Variants in DACH2 observed in about 807,000 individuals in gnomAD.
The protein encoded by DACH2 is dachshund family transcription factor 2.
DACH2 carries 17 observed loss-of-function variants against 35.8 expected under a neutral mutation model. The ratio of observed to expected loss-of-function variants is 0.48; its 90% CI spans 0.33 to 0.71. DACH2 has a LOEUF of 0.71. Ranked by LOEUF, DACH2 falls within the 30% of genes least tolerant of loss-of-function variation. The pLI, the probability that DACH2 is intolerant of heterozygous loss-of-function variation, is 0.02. For missense variants in DACH2, 469 were observed against 472.7 expected (o/e 0.99, Z 0.07); for synonymous variants, 195 against 177.3 (o/e 1.10, Z -0.79).
intron 2 of DACH2, among the ~76,000 whole-genome samples, chrX:86,492,800 C>T: frequency 8.9e-6 from 1 of 111,874 alleles, no homozygotes; most frequent in Non-Finnish European, 1.9e-5. Context: ...TTTTTTATGG[C>T]TGCATAGTAT....
At chrX:86,637,925 G>A (rs1032471438) in intron 3 of DACH2, among the ~76,000 whole-genome samples, 1 of 111,547 alleles carries the variant, frequency 9.0e-6, no homozygotes, top group Non-Finnish European at 1.9e-5. Flanking sequence ...TAAAATTCAC[G>A]TGGAACCAAA....
intron 6 of DACH2, among the ~76,000 whole-genome samples, chrX:86,721,232 A>G (rs183226705): frequency 8.9e-6 from 1 of 112,259 alleles, no homozygotes; most frequent in East Asian, 2.8e-4. Flanking sequence ...GCTGGCTACA[A>G]TTCCTCTCCA....
rs186866470 is a variant in DACH2 at position 86,546,738 on chromosome X, T to C, written c.640+32347T>C. Among the ~76,000 whole-genome samples, 902 of 108,308 alleles carry C rather than the reference T, an allele frequency of 8.3e-3. 6 individuals are homozygous for C. Among genetic ancestry groups the C allele is most frequent in the Middle Eastern group, 0.014 (3 of 210 alleles). 94.1% of individuals were successfully genotyped at this position (108,308 alleles called of 115,157 possible). A position where few individuals can be genotyped will look rare whatever the true frequency, so the allele number is the denominator to read the frequency against. ...ACCATGTTGGCCAGGATGGTCTCAA[T>C]CTCCTGAACTTGTGATCTGCCAGCC... is the stretch of plus-strand genomic sequence containing the variant. On this transcript the variant is annotated intron_variant, in intron 3 of 11. Transcript: ENST00000373125.
At chrX:86,412,988 C>T (rs1392235754) in intron 2 of DACH2, among the ~76,000 whole-genome samples, 2 of 111,575 alleles carry the variant, frequency 1.8e-5, no homozygotes, top group African/African-American at 6.5e-5. Context: ...AGGCATTGTG[C>T]CTTTTCTTGG....
At chrX:86,572,411 A>G (rs2039382947) in intron 3 of DACH2, among the ~76,000 whole-genome samples, 1 of 111,686 alleles carries the variant, frequency 9.0e-6, no homozygotes, top group Non-Finnish European at 1.9e-5. Flanking sequence ...AGCTCACTAG[A>G]TTCAGCTATT....
intron 1 of DACH2, among the ~76,000 whole-genome samples, chrX:86,291,646 T>C (rs996437550): frequency 1.8e-4 from 19 of 108,075 alleles, no homozygotes; most frequent in Non-Finnish European, 2.9e-4. Context: ...GGTTGTTAAA[T>C]TTTGTCAAAG....
intron 1 of DACH2, among the ~76,000 whole-genome samples, chrX:86,294,679 T>TGCA (rs1324347011): frequency 2.7e-5 from 3 of 110,170 alleles, no homozygotes; most frequent in African/African-American, 6.7e-5. Context: ...TGGAGTACTC[T>TGCA]GTGTGAGGTG....
intron 2 of DACH2, among the ~76,000 whole-genome samples, chrX:86,499,779 C>T (rs1394725970): frequency 8.9e-6 from 1 of 111,901 alleles, no homozygotes; most frequent in Non-Finnish European, 1.9e-5. Context: ...AAACGACAAG[C>T]TCAAAAAGAA....
intron 1 of DACH2, among the ~76,000 whole-genome samples, chrX:86,376,499 A>G (rs1000530234): frequency 9.0e-6 from 1 of 110,718 alleles, no homozygotes; most frequent in Non-Finnish European, 1.9e-5. Flanking sequence ...ACAGAAATCT[A>G]TAACCTTATT....
rs187481875 is a variant in DACH2 at position 86,325,277 on chromosome X, G to A, written c.489-51547G>A. ...TTCATGTCAGTATACACTTGCCAGC[G>A]AGCTCACGCTTAATTGAGTATGCCA... On this transcript the variant is annotated intron_variant, in intron 1 of 11. Coordinates refer to ENST00000373125, the MANE Select transcript of DACH2 (RefSeq NM_053281.3). 1.3e-4 allele frequency among the ~76,000 whole-genome samples: 14 copies of A among 111,801 alleles called. No individual in the cohort carries two copies. In the South Asian group the frequency reaches 3.4e-3, roughly 27 times the overall value.
intron 5 of DACH2, among the ~76,000 whole-genome samples, chrX:86,712,524 ATG>A (rs1169562301): frequency 3.9e-4 from 43 of 109,755 alleles, no homozygotes; most frequent in African/African-American, 1.1e-3. Flanking sequence ...GTATATATAT[ATG>A]TGTGTATATA....
chrX:86,259,233 T>C (rs1028563279), intron 1 of DACH2, among the ~76,000 whole-genome samples: 1 of 112,364 alleles, frequency 8.9e-6, no homozygotes, highest in African/African-American at 3.2e-5. Context: ...CTCAATGTAG[T>C]TCAACATTTA....
In DACH2 at chrX:86,620,355, C is replaced by G. The variant is rs766303605; in HGVS notation, c.641-30681C>G. Among the ~76,000 whole-genome samples, 6 of 111,639 alleles carry G rather than the reference C, an allele frequency of 5.4e-5. No homozygotes were observed. In the East Asian group the frequency reaches 1.7e-3, roughly 32 times the overall value. On this transcript the variant is annotated intron_variant, in intron 3 of 11. Transcript: ENST00000373125. The stretch of plus-strand genomic sequence containing the variant: ...CTCTCAGTTGTGCTTAGTTCCCCAT[C>G]ACTTTAGGACTAGAGTCGGGGAATT...
intron 2 of DACH2, among the ~76,000 whole-genome samples, chrX:86,485,062 G>A (rs763032826): frequency 1.3e-3 from 146 of 111,425 alleles, no homozygotes; most frequent in Admixed American, 2.7e-3. Flanking sequence ...ATTTTTTTGT[G>A]TGTGTATTTT....
At chrX:86,749,927 ATTC>A (rs1421662998) in intron 7 of DACH2, among the ~76,000 whole-genome samples, 2 of 110,901 alleles carry the variant, frequency 1.8e-5, no homozygotes, top group African/African-American at 6.5e-5. Context: ...TTGTTCTTAT[ATTC>A]TTCAACTTTA....
intron 3 of DACH2, among the ~76,000 whole-genome samples, chrX:86,519,379 G>A (rs1199413932): frequency 8.9e-6 from 1 of 111,874 alleles, no homozygotes; most frequent in Admixed American, 9.5e-5. Context: ...GTCTCTTCCA[G>A]GCTTCAGTAT....
intron 2 of DACH2, among the ~76,000 whole-genome samples, chrX:86,431,381 C>T (rs1454934687): frequency 9.0e-6 from 1 of 111,706 alleles, no homozygotes; most frequent in Non-Finnish European, 1.9e-5. Context: ...CAAATGGTAT[C>T]TTACTTAGAA....
At chrX:86,620,797 C>CA (rs201947312) in intron 3 of DACH2, among the ~76,000 whole-genome samples, 9,904 of 91,147 alleles carry the variant, frequency 0.11, 518 homozygotes, top group African/African-American at 0.18. Context: ...GCAAATAAAA[C>CA]AAAAAAAAAA....
intron 1 of DACH2, among the ~76,000 whole-genome samples, chrX:86,281,132 T>A (rs1317977384): frequency 9.0e-6 from 1 of 111,298 alleles, no homozygotes; most frequent in Non-Finnish European, 1.9e-5. Flanking sequence ...CCACCCCAAA[T>A]CAACAGAATA....
Sources: gnomAD v4.1 joint callset for allele counts (sites outside exome capture counted in the v4.1 genomes callset) on GRCh38, gnomAD v4.1.1 for gene constraint, MANE v1.5 for transcripts, NCBI Gene and HGNC (gene_info 2026-07-23, HGNC 2026-07-21) for gene names.